NUP160: variants seen among roughly 807,000 people sequenced by gnomAD.
NUP160 encodes the protein nuclear pore complex protein Nup160.
Under a neutral mutation model 196.9 loss-of-function variants are expected in NUP160, and 94 were observed. That is an observed-to-expected ratio of 0.48 (90% CI 0.40 to 0.57). The LOEUF is 0.57. Ranked by LOEUF, NUP160 falls within the 20% of genes least tolerant of loss-of-function variation. The pLI, the probability that NUP160 is intolerant of heterozygous loss-of-function variation, is 0.00. For missense variants in NUP160, 1,638 were observed against 1,748.3 expected (o/e 0.94, Z 1.13); for synonymous variants, 605 against 619.7 (o/e 0.98, Z 0.35).
At chr11:47,808,282 C>CAAAACA (rs950886375) in intron 18 of NUP160, 114 bp downstream of exon 18, 60 of 1,054,802 alleles carry the variant, frequency 5.7e-5, no homozygotes, top group Admixed American at 2.4e-4. Context: ...GACTCTGTCT[C>CAAAACA]AAAACAAAAA....
chr11:47,818,096 G>C (rs1414902431), exon 11 of NUP160: 1 of 1,610,850 alleles, frequency 6.2e-7, no homozygotes. Flanking sequence ...GAATTGTCCT[G>C]GTGTAAAAAG....
At position 47,840,356 on chromosome 11, in the gene NUP160, A is replaced by G. The variant is rs866021191; in HGVS notation, c.525+22T>C. 3.8e-6 allele frequency: 6 copies of G among 1,582,980 alleles called. No homozygotes were observed. In the African/African-American group the frequency reaches 5.4e-5, roughly 14 times the overall value. On this transcript the variant is annotated intron_variant, in intron 3 of 35. Coordinates refer to ENST00000378460, the Ensembl canonical transcript of NUP160. ...CCCAGAGTAATTTGGGAAATAAAAG[A>G]TATTGCACTTAGCCAACTTACACTC...
chr11:47,819,406 C>A lies in NUP160; in HGVS notation c.1330G>T (p.Glu444Ter). The change falls in exon 10 of 36, where the codon GAG (glutamate) becomes TAG (stop). Residue 444 changes from glutamate (E) to a stop codon, truncating the protein, a stop_gained. Coordinates refer to ENST00000378460, the Ensembl canonical transcript of NUP160. LOFTEE classifies it high-confidence loss of function. ...TCTTGATCATCTCTGATGACAATCT[C>A]TTCCTCTGGCAGAGGCTGCATAAAA... The A allele has an allele frequency of 6.2e-7, 1 of 1,613,470 alleles. No individual in the cohort carries two copies. The highest frequency in any genetic ancestry group is 8.5e-7 in the Non-Finnish European group (1 of 1,179,568).
At chr11:47,846,856 G>A (rs1400572825) in intron 2 of NUP160, among the ~76,000 whole-genome samples, 3 of 152,126 alleles carry the variant, frequency 2.0e-5, no homozygotes, top group Non-Finnish European at 4.4e-5. Context: ...TGATGATCCT[G>A]CCGCCCAAGT....
intron 32 of NUP160, 40 bp from the exon 33 acceptor site, chr11:47,785,103 T>TTTTTTTTTTTTTTTTTTTTG: frequency 1.2e-5 from 13 of 1,086,538 alleles, no homozygotes; most frequent in Non-Finnish European, 1.3e-5. Flanking sequence ...TTCAGATTCT[T>TTTTTTTTTTTTTTTTTTTTG]AATAGCTATT....
rs141663289 is a variant in NUP160 at position 47,848,274 on chromosome 11, G to C, written c.147C>G (p.Ser49Arg). The C allele has an allele frequency of 9.9e-6, 16 of 1,614,148 alleles. No homozygotes were observed. Among genetic ancestry groups the C allele is most frequent in the Non-Finnish European group, 1.4e-5 (16 of 1,180,036 alleles). ...GCCTCGGCCTTTCGCGCTCAGCTCC[G>C]CTTAGCTCCACGAAGCTCCGTTCCA... Residue 49 changes from serine (S) to arginine (R), a missense_variant, in exon 1 of 36, where the codon AGC becomes AGG. By Grantham distance (110) the Ser-to-Arg change is moderately radical. Coordinates refer to ENST00000378460, the Ensembl canonical transcript of NUP160.
intron 20 of NUP160, 50 bp from the exon 21 acceptor site, chr11:47,804,668 CAT>C (rs2097676424): frequency 2.5e-6 from 3 of 1,222,082 alleles, no homozygotes; most frequent in Non-Finnish European, 2.3e-6. Context: ...AAATCTTAAA[CAT>C]ATACATTGGG....
intron 7 of NUP160, among the ~76,000 whole-genome samples, chr11:47,825,469 T>C (rs1184724025): frequency 2.7e-5 from 4 of 150,650 alleles, no homozygotes; most frequent in Admixed American, 6.6e-5. Context: ...TTTTTTTTTT[T>C]TGAGACGGAG....
Position 47,836,878 on chromosome 11 carries a change from A to G in NUP160, c.942+9T>C, listed in dbSNP as rs761580816. On this transcript the variant is annotated intron_variant, in intron 6 of 35. Transcript: ENST00000378460. ...TTTAACTTACAGCAACTATAAATGT[A>G]GCACTTACCTTGTAAGACCACATTC... 2.0e-6 allele frequency: 3 copies of G among 1,469,278 alleles called. No individual in the cohort carries two copies. The South Asian group carries it at 3.4e-5, about 17-fold the overall frequency. The allele number at this position is 1,469,278 out of a possible 1,614,324, so 91.0% of individuals were successfully genotyped here.
intron 2 of NUP160, among the ~76,000 whole-genome samples, chr11:47,844,981 G>A (rs933847636): frequency 6.6e-6 from 1 of 152,166 alleles, no homozygotes; most frequent in Non-Finnish European, 1.5e-5. Context: ...CGCCATGACA[G>A]TTTACAAATG....
chr11:47,804,483 GA>G, intron 21 of NUP160, 65 bp downstream of exon 21: 1 of 1,083,194 alleles, frequency 9.2e-7, no homozygotes, highest in East Asian at 2.8e-5. Flanking sequence ...CATTTACAAA[GA>G]AAAAAATTCA....
At chr11:47,784,752 A>T in intron 33 of NUP160, 170 bp downstream of exon 33, 1 of 407,750 alleles carries the variant, frequency 2.5e-6, no homozygotes, top group Non-Finnish European at 4.4e-6. Context: ...GTGTTGCCCA[A>T]GCTGGTCTCA....
chr11:47,817,066 C>T (rs1851743321), intron 11 of NUP160, among the ~76,000 whole-genome samples: 1 of 151,506 alleles, frequency 6.6e-6, no homozygotes, highest in African/African-American at 2.4e-5. Context: ...CCCTTTACCT[C>T]CTGGGCTAAA....
At chr11:47,806,233 C>T (rs1472232502) in exon 20 of NUP160, 1 of 1,613,872 alleles carries the variant, frequency 6.2e-7, no homozygotes, top group Non-Finnish European at 8.5e-7. Context: ...GTGCCTTTGG[C>T]TGAGAGAAGA....
At chr11:47,821,141 T>C (rs1266300983) in intron 9 of NUP160, among the ~76,000 whole-genome samples, 1 of 152,108 alleles carries the variant, frequency 6.6e-6, no homozygotes, top group East Asian at 1.9e-4. Context: ...AGATTAGAGG[T>C]ATTTTGGATA....
In NUP160 at chr11:47,801,864, G is replaced by A. The variant is rs374918751; in HGVS notation, c.2842C>T (p.Arg948Cys). The A allele has an allele frequency of 3.6e-5, 58 of 1,613,566 alleles. No homozygotes were observed. The highest frequency in any genetic ancestry group is 2.1e-4 in the African/African-American group (16 of 74,870). Reference sequence around the variant, plus strand: ...GACACGATCTCCCCATCCTCTGAGCGAATCAAGCGATCCAAGAATTCCTCT... The same window carrying A: ...GACACGATCTCCCCATCCTCTGAGCAAATCAAGCGATCCAAGAATTCCTCT... The change falls in exon 23 of 36, where the codon CGC becomes TGC. Residue 948 changes from arginine (R) to cysteine (C), a missense_variant. Arg to Cys is a radical substitution (Grantham distance 180). This residue lies in a region of NUP160 where 1,345 missense variants were observed against 1,470.2 expected (regional missense o/e 0.91). Coordinates refer to ENST00000378460, the Ensembl canonical transcript of NUP160.
chr11:47,822,794 C>G (rs1475237389), intron 7 of NUP160, among the ~76,000 whole-genome samples: 1 of 152,138 alleles, frequency 6.6e-6, no homozygotes, highest in African/African-American at 2.4e-5. Context: ...TGTTCAATTC[C>G]CACCTATGAG....
chr11:47,818,219 T>C, intron 10 of NUP160, 95 bp from the exon 11 acceptor site: 1 of 758,974 alleles, frequency 1.3e-6, no homozygotes, highest in Admixed American at 2.1e-5. Flanking sequence ...TATATGAACA[T>C]TGCCATTTTG....
chr11:47,796,882 G>C (rs2097671178), intron 27 of NUP160, among the ~76,000 whole-genome samples: 1 of 152,114 alleles, frequency 6.6e-6, no homozygotes, highest in Non-Finnish European at 1.5e-5. Context: ...CAGTAGAGAG[G>C]GGATTTCACC....
Sources: gnomAD v4.1 joint callset for allele counts (sites outside exome capture counted in the v4.1 genomes callset) on GRCh38, gnomAD v4.1.1 for gene constraint, gnomAD v4.1.1 regional missense constraint, MANE v1.5 for transcripts, NCBI Gene and HGNC (gene_info 2026-07-23, HGNC 2026-07-21) for gene names.